The following SLC41A3 variants were observed in gnomAD, a reference collection of about 807,000 sequenced individuals.
SLC41A3 encodes SLC41A1-like 2.
SLC41A3 carries 44 observed loss-of-function variants against 45.4 expected under a neutral mutation model. The observed-to-expected ratio is 0.97, with a 90% confidence interval of 0.76 to 1.25. The LOEUF (loss-of-function observed/expected upper bound fraction) is 1.25. Among genes scored for constraint, SLC41A3 ranks in the 50% most tolerant of loss-of-function variants. SLC41A3 has a pLI of 0.00. For missense variants in SLC41A3, 550 were observed against 600.6 expected (o/e 0.92, Z 0.88); for synonymous variants, 256 against 252.4 (o/e 1.01, Z -0.13).
rs1941376032 is a variant in SLC41A3, at chr3:126,026,600, AC to A, written c.454-122del. ...CACATGCTACTGCCTCCTTTCCCTT[AC>A]CCTAAAATCTCACAGGCCCTCACCC... On this transcript the variant is annotated intron_variant, in intron 4 of 10. Transcript: ENST00000360370. This position sits in a 1 kb window ranked among gnomAD's most constrained non-coding sequence, Gnocchi z 4.2. 1.6e-5 allele frequency: 21 copies of A among 1,302,868 alleles called. No homozygotes were observed. Among genetic ancestry groups the A allele is most frequent in the Non-Finnish European group, 1.9e-5 (18 of 951,762 alleles). 80.7% of individuals were successfully genotyped at this position (1,302,868 alleles called of 1,614,324 possible).
chr3:126,042,263 A>C (rs1040897086), intron 3 of SLC41A3, among the ~76,000 whole-genome samples: 22 of 152,292 alleles, frequency 1.4e-4, no homozygotes, highest in African/African-American at 5.3e-4. Context: ...CCCTGAGAAG[A>C]AGCAGAGTTG....
At chr3:126,083,496 C>T (rs1576378219) in intron 1 of SLC41A3, among the ~76,000 whole-genome samples, 1 of 152,194 alleles carries the variant, frequency 6.6e-6, no homozygotes, top group African/African-American at 2.4e-5. Flanking sequence ...GACAGACTCC[C>T]GGCTGGGCAC....
chr3:126,032,087 A>G (rs1941837239), intron 4 of SLC41A3, among the ~76,000 whole-genome samples: 3 of 152,192 alleles, frequency 2.0e-5, no homozygotes, highest in African/African-American at 7.2e-5. Context: ...TAGAGGAGAA[A>G]GGACCTTCCC....
intron 1 of SLC41A3, among the ~76,000 whole-genome samples, chr3:126,073,668 C>T (rs114151611): frequency 0.027 from 4,161 of 151,858 alleles, 166 homozygotes; most frequent in African/African-American, 0.091. Flanking sequence ...AATACTGACT[C>T]GTGAAGAAAT....
rs556403431 is a variant in SLC41A3, at chr3:126,016,755, A to T, written c.866T>A (p.Ile289Asn). 1 of 1,611,950 alleles carries T rather than the reference A, an allele frequency of 6.2e-7. No individual in the cohort carries two copies. Among genetic ancestry groups the T allele is most frequent in the East Asian group, 2.2e-5 (1 of 44,708 alleles). The part of the protein sequence containing the change: ...VKILKFGWFP[I>N]ILAMVISSFG... The stretch of plus-strand genomic sequence containing the variant: ...CCTGCTGATGACCATGGCCAGGATG[A>T]TTGGGAACCAGCCAAACTTCAGGAT... Residue 289 changes from isoleucine to asparagine, a missense_variant, in exon 7 of 11, where the codon ATC becomes AAC. Physicochemically the swap from Ile to Asn is moderately radical, Grantham distance 149. Coordinates refer to ENST00000360370, the MANE Select transcript of SLC41A3 (RefSeq NM_017836.4).
At chr3:126,020,270 C>A (rs143340537) in intron 6 of SLC41A3, among the ~76,000 whole-genome samples, 315 of 152,222 alleles carry the variant, frequency 2.1e-3, no homozygotes, top group African/African-American at 7.1e-3. Flanking sequence ...TCCCCTGAAA[C>A]GATTCCGTCT....
chr3:126,012,873 C>T, intron 8 of SLC41A3, 124 bp from the exon 9 acceptor site: 1 of 1,404,474 alleles, frequency 7.1e-7, no homozygotes, highest in East Asian at 2.4e-5. Flanking sequence ...ATTATCTTTT[C>T]CTTTCCTCCC....
chr3:126,057,099 C>T (rs1306076033), intron 2 of SLC41A3: 13 of 987,638 alleles, frequency 1.3e-5, no homozygotes, highest in South Asian at 4.7e-5. Flanking sequence ...AGAGGGACTG[C>T]CTCCTCAGGC....
intron 1 of SLC41A3, among the ~76,000 whole-genome samples, chr3:126,101,175 C>A (rs889846871): frequency 6.6e-6 from 1 of 152,190 alleles, no homozygotes; most frequent in African/African-American, 2.4e-5. Context: ...TTCCAGCCAG[C>A]CCGGGGAGGG....
chr3:126,090,277 G>C (rs1474045603), intron 1 of SLC41A3, among the ~76,000 whole-genome samples: 1 of 151,998 alleles, frequency 6.6e-6, no homozygotes, highest in Admixed American at 6.5e-5. Flanking sequence ...GAGCCTATGT[G>C]GCTAATCAAT....
intron 5 of SLC41A3, 100 bp from the exon 6 acceptor site, chr3:126,023,032 AC>A: frequency 6.7e-7 from 1 of 1,491,054 alleles, no homozygotes; most frequent in African/African-American, 1.4e-5. Context: ...CTGAGTAGGG[AC>A]TGGCAGGTGG....
intron 9 of SLC41A3, among the ~76,000 whole-genome samples, chr3:126,009,159 A>T (rs1302827969): frequency 6.6e-6 from 1 of 152,268 alleles, no homozygotes; most frequent in Admixed American, 6.5e-5. Flanking sequence ...TTTAAAGAAA[A>T]TAAAGGTAAA....
rs377029620 is a variant in SLC41A3, at chr3:126,017,970, C to T, written c.746-1095G>A. ...TGCAGAAGCATCACCTTATACGATG[C>T]TTTTGAATCCAGTCTGAGTTTTCAG... On this transcript the variant is annotated intron_variant, in intron 6 of 10. Coordinates refer to ENST00000360370, the MANE Select transcript of SLC41A3 (RefSeq NM_017836.4). Among the ~76,000 whole-genome samples, 29 of 152,284 alleles carry T rather than the reference C, an allele frequency of 1.9e-4. No homozygotes were observed. In the East Asian group the frequency reaches 5.6e-3, roughly 29 times the overall value.
At chr3:126,075,846 A>G (rs551698752) in intron 1 of SLC41A3, among the ~76,000 whole-genome samples, 1 of 152,348 alleles carries the variant, frequency 6.6e-6, no homozygotes, top group Non-Finnish European at 1.5e-5. Context: ...TGGCTTAAAG[A>G]GTTAAACATA....
chr3:126,015,421 G>A (rs1940174802), intron 8 of SLC41A3, 73 bp downstream of exon 8: 7 of 1,498,820 alleles, frequency 4.7e-6, no homozygotes, highest in Non-Finnish European at 6.5e-6. Context: ...TCTGAGGTCT[G>A]CTGTTCCGGT....
At chr3:126,009,080 G>T (rs1408503130) in intron 9 of SLC41A3, among the ~76,000 whole-genome samples, 200 bp from the exon 10 acceptor site, 1 of 152,122 alleles carries the variant, frequency 6.6e-6, no homozygotes, top group Non-Finnish European at 1.5e-5. Context: ...TTTTAGAGAA[G>T]AGAAACAAGA....
At chr3:126,064,665 C>A (rs1013914822) in intron 2 of SLC41A3, among the ~76,000 whole-genome samples, 1 of 152,138 alleles carries the variant, frequency 6.6e-6, no homozygotes, top group Non-Finnish European at 1.5e-5. Flanking sequence ...CATGAAACAC[C>A]CCTCCAGCCA....
intron 1 of SLC41A3, among the ~76,000 whole-genome samples, chr3:126,077,839 G>A (rs1001310996): frequency 1.3e-5 from 2 of 152,222 alleles, no homozygotes; most frequent in African/African-American, 4.8e-5. Flanking sequence ...GAATGGAGCA[G>A]GTGATGAGTT....
chr3:126,016,583 G>C, intron 7 of SLC41A3, 148 bp downstream of exon 7: 1 of 1,036,810 alleles, frequency 9.6e-7, no homozygotes, highest in South Asian at 1.9e-5. Context: ...AAAAAGGTAT[G>C]ATTCAATCAG....
Sources: gnomAD v4.1 joint callset for allele counts (sites outside exome capture counted in the v4.1 genomes callset) on GRCh38, gnomAD v4.1.1 for gene constraint, Gnocchi (gnomAD v3.1) non-coding constraint, MANE v1.5 for transcripts, NCBI Gene and HGNC (gene_info 2026-07-23, HGNC 2026-07-21) for gene names.